The following DLGAP2 variants were observed in gnomAD, a reference collection of about 807,000 sequenced individuals.
DLGAP2 encodes the protein disks large-associated protein 2.
A neutral mutation model predicts 100.3 loss-of-function variants in DLGAP2; 26 were observed. The ratio of observed to expected loss-of-function variants is 0.26; its 90% CI spans 0.19 to 0.36. The LOEUF is 0.36. DLGAP2 is among the 10% of genes least tolerant of loss of function. DLGAP2 has a pLI of 1.00. For missense variants in DLGAP2, 1,858 were observed against 1,453.2 expected (o/e 1.28, Z -4.53); for synonymous variants, 886 against 630.1 (o/e 1.41, Z -6.08).
At chr8:1,585,074 T>G (rs1269064815) in intron 6 of DLGAP2, among the ~76,000 whole-genome samples, 1 of 152,218 alleles carries the variant, frequency 6.6e-6, no homozygotes. Context: ...CATATTTTAC[T>G]TCAACATCTA....
chr8:1,010,925 C>T (rs1186499829), intron 2 of DLGAP2, among the ~76,000 whole-genome samples: 3 of 149,660 alleles, frequency 2.0e-5, no homozygotes, highest in Admixed American at 6.6e-5. Flanking sequence ...GGGCCCCAGG[C>T]GAGGGGCCTC....
intron 2 of DLGAP2, among the ~76,000 whole-genome samples, chr8:995,192 A>G (rs1405622337): frequency 6.6e-6 from 1 of 152,218 alleles, no homozygotes; most frequent in East Asian, 1.9e-4. Flanking sequence ...ATAAAGCAGT[A>G]TAATTTTTTC....
intron 3 of DLGAP2, among the ~76,000 whole-genome samples, chr8:1,460,320 T>C (rs992109794): frequency 6.6e-6 from 1 of 152,226 alleles, no homozygotes; most frequent in Admixed American, 6.5e-5. Flanking sequence ...TAATTTACTA[T>C]GAAGAAACTA....
intron 2 of DLGAP2, among the ~76,000 whole-genome samples, chr8:1,172,958 T>C (rs914595229): frequency 4.6e-5 from 7 of 152,232 alleles, no homozygotes; most frequent in Non-Finnish European, 7.3e-5. Context: ...AGAGGTGCTC[T>C]GCTTTTTAGA....
chr8:1,279,451 C>T (rs1267013285), intron 3 of DLGAP2, among the ~76,000 whole-genome samples: 4 of 152,116 alleles, frequency 2.6e-5, no homozygotes, highest in African/African-American at 7.2e-5. Context: ...AGCTTCAAGG[C>T]GGAAATACAT....
At chr8:1,163,909 G>A (rs1796941521) in intron 2 of DLGAP2, among the ~76,000 whole-genome samples, 1 of 152,164 alleles carries the variant, frequency 6.6e-6, no homozygotes, top group African/African-American at 2.4e-5. Context: ...GAGAAAGTCC[G>A]GCGTCCGCGG....
chr8:1,627,720 G>A (rs544558585), intron 7 of DLGAP2, among the ~76,000 whole-genome samples: 36 of 152,284 alleles, frequency 2.4e-4, no homozygotes, highest in African/African-American at 8.2e-4. Context: ...CTGACTTACT[G>A]TGGAGTAGGG....
chr8:1,372,317 C>T (rs1802260199), intron 3 of DLGAP2, among the ~76,000 whole-genome samples: 2 of 151,324 alleles, frequency 1.3e-5, no homozygotes, highest in South Asian at 4.2e-4. Context: ...CGCTGGTCAC[C>T]GTGCTGCCAA....
chr8:1,603,356 T>TGC, intron 6 of DLGAP2, among the ~76,000 whole-genome samples: 7 of 133,852 alleles, frequency 5.2e-5, no homozygotes, highest in South Asian at 2.6e-4. Context: ...CTCAGTTCCA[T>TGC]AGAGGCTGGT....
intron 3 of DLGAP2, among the ~76,000 whole-genome samples, chr8:1,371,361 G>A (rs1215645790): frequency 6.6e-6 from 1 of 152,210 alleles, no homozygotes; most frequent in African/African-American, 2.4e-5. Context: ...ATTTGCGCCA[G>A]GGCAGAGGTT....
intron 2 of DLGAP2, among the ~76,000 whole-genome samples, chr8:995,377 C>A (rs906145462): frequency 2.6e-5 from 4 of 152,124 alleles, no homozygotes; most frequent in African/African-American, 7.2e-5. Context: ...ATTATAGTAA[C>A]TTTGTAATTA....
At chr8:885,263 G>GTC (rs1797900631) in intron 1 of DLGAP2, among the ~76,000 whole-genome samples, 1 of 152,202 alleles carries the variant, frequency 6.6e-6, no homozygotes. Flanking sequence ...CATGAGGATG[G>GTC]AATGTTTTTC....
At chr8:1,251,293 A>C (rs1016056488) in intron 2 of DLGAP2, among the ~76,000 whole-genome samples, 1 of 152,232 alleles carries the variant, frequency 6.6e-6, no homozygotes, top group African/African-American at 2.4e-5. Flanking sequence ...GACACAAGGT[A>C]GGTTTTCTAT....
intron 1 of DLGAP2, among the ~76,000 whole-genome samples, chr8:836,631 G>A (rs967543457): frequency 6.6e-6 from 1 of 152,182 alleles, no homozygotes; most frequent in African/African-American, 2.4e-5. Flanking sequence ...AGGGGGTGGG[G>A]TTGGGGTGCT....
chr8:1,649,404 G>A (rs1374196876), intron 8 of DLGAP2, among the ~76,000 whole-genome samples: 1 of 152,198 alleles, frequency 6.6e-6, no homozygotes, highest in Non-Finnish European at 1.5e-5. Context: ...CAGCAGTGGT[G>A]TTGGGGTAAA....
intron 4 of DLGAP2, among the ~76,000 whole-genome samples, chr8:1,516,273 G>A (rs4537327): frequency 0.44 from 66,325 of 151,834 alleles, 15,079 homozygotes; most frequent in South Asian, 0.68. Context: ...GCACACAAAT[G>A]AGTGACTGAA....
chr8:1,380,433 C>G (rs777088347), intron 3 of DLGAP2: 9 of 152,188 alleles, frequency 5.9e-5, no homozygotes, highest in Non-Finnish European at 1.2e-4. Flanking sequence ...ACTAAGGAGA[C>G]TTTGGAAAAG....
intron 1 of DLGAP2, among the ~76,000 whole-genome samples, chr8:745,326 G>C (rs965826458): frequency 1.3e-5 from 2 of 152,164 alleles, no homozygotes; most frequent in Non-Finnish European, 2.9e-5. Context: ...TCAACCTTTT[G>C]TTGTGGCCAT....
chr8:1,111,887 G>A (rs1212782820), intron 2 of DLGAP2, among the ~76,000 whole-genome samples: 3 of 152,108 alleles, frequency 2.0e-5, no homozygotes, highest in Admixed American at 6.5e-5. Context: ...GTGTCTTTAT[G>A]GTAGAATGAT....
Sources: gnomAD v4.1 joint callset for allele counts (sites outside exome capture counted in the v4.1 genomes callset) on GRCh38, gnomAD v4.1.1 for gene constraint, MANE v1.5 for transcripts, NCBI Gene and HGNC (gene_info 2026-07-23, HGNC 2026-07-21) for gene names.